MYBPC3: variants seen among roughly 807,000 people sequenced by gnomAD.
MYBPC3 encodes myosin binding protein C3.
Under a neutral mutation model 159.3 loss-of-function variants are expected in MYBPC3, and 108 were observed. That is an observed-to-expected ratio of 0.68 (90% CI 0.58 to 0.80). The LOEUF is 0.80. MYBPC3 is among the 30% of genes least tolerant of loss of function. The pLI, the probability that MYBPC3 is intolerant of heterozygous loss-of-function variation, is 0.00. For missense variants in MYBPC3, 1,631 were observed against 1,762.1 expected (o/e 0.93, Z 1.33); for synonymous variants, 730 against 702.0 (o/e 1.04, Z -0.63).
At chr11:47,334,992 G>A (rs764701132) in intron 27 of MYBPC3, 50 bp downstream of exon 27, 1 of 1,454,226 alleles carries the variant, frequency 6.9e-7, no homozygotes, top group African/African-American at 1.4e-5. Flanking sequence ...GGACACCAAG[G>A]GCCTGGGGTG....
At chr11:47,349,118 C>T (rs1003637231) in intron 5 of MYBPC3, among the ~76,000 whole-genome samples, 2 of 151,466 alleles carry the variant, frequency 1.3e-5, no homozygotes, top group African/African-American at 2.4e-5. Context: ...ACATGTTGGC[C>T]TCTCTTGCTA....
At position 47,331,588 on chromosome 11, in the gene MYBPC3, C is replaced by G. The variant is rs891329601; in HGVS notation, c.*155G>C. 1.4e-5 allele frequency: 7 copies of G among 486,530 alleles called. No homozygotes were observed. Among genetic ancestry groups the G allele is most frequent in the South Asian group, 1.1e-4 (4 of 35,530 alleles). 30.1% of individuals were successfully genotyped at this position (486,530 alleles called of 1,614,324 possible). Reference sequence around the variant, plus strand: ...TGTGCAACACCCACTCAGGACTGCCCGACAACTGCCCTGCTGATCCCCCAT... The same window carrying G: ...TGTGCAACACCCACTCAGGACTGCCGGACAACTGCCCTGCTGATCCCCCAT... On this transcript the variant is annotated 3_prime_UTR_variant, in exon 35 of 35. Coordinates refer to ENST00000545968, the MANE Select transcript of MYBPC3 (RefSeq NM_000256.3).
At chr11:47,347,965 C>G in intron 6 of MYBPC3, 60 bp from the exon 7 acceptor site, 6 of 1,495,610 alleles carry the variant, frequency 4.0e-6, no homozygotes, top group Non-Finnish European at 5.5e-6. Flanking sequence ...TTTGAGAAGC[C>G]CTGCCCTGGG....
Position 47,333,989 on chromosome 11 carries a change from G to C in MYBPC3, c.2927C>G (p.Pro976Arg), listed in dbSNP as rs954096716. 12 of 1,582,782 alleles carry C rather than the reference G, an allele frequency of 7.6e-6. No homozygotes were observed. Among genetic ancestry groups the C allele is most frequent in the Non-Finnish European group, 1.0e-5 (12 of 1,164,864 alleles). ...EILQRPRLQL[P>R]RHLRQTIQKK... is the part of the protein sequence containing the mutation. ...CTGAATGGTCTGGCGCAGGTGCCTG[G>C]GCAGCTGAAGCCGTGGCCGTTCTGT... The change falls in exon 28 of 35, where the codon CCC becomes CGC. Residue 976 changes from proline to arginine, a missense_variant. Physicochemically the swap from Pro to Arg is moderately radical, Grantham distance 103 (BLOSUM62 -2). Transcript: ENST00000545968.
rs1465412065 is a variant in MYBPC3, at chr11:47,346,622, C to T, written c.926+5G>A. ...TGAGGGTGCTGTGCTATGTTGGGCA[C>T]TCACCTCGGGGTCCGGAAACTGCTG... On this transcript the variant is annotated splice_donor_5th_base_variant and intron_variant, in intron 11 of 34. Transcript: ENST00000545968. This position sits in a 1 kb window ranked among gnomAD's most constrained non-coding sequence, Gnocchi z 5.3. 2.5e-6 allele frequency: 4 copies of T among 1,589,346 alleles called. No individual in the cohort carries two copies. In the African/African-American group the frequency reaches 4.1e-5, roughly 16 times the overall value.
At chr11:47,340,412 C>T (rs904253225) in intron 20 of MYBPC3, among the ~76,000 whole-genome samples, 1 of 152,248 alleles carries the variant, frequency 6.6e-6, no homozygotes, top group Non-Finnish European at 1.5e-5. Flanking sequence ...CGCCTGTAAT[C>T]CCAGCACTTT....
chr11:47,341,117 C>T, intron 19 of MYBPC3, 21 bp downstream of exon 19: 1 of 1,578,184 alleles, frequency 6.3e-7, no homozygotes, highest in South Asian at 1.2e-5. Context: ...CCCGACCCAC[C>T]CTACCCTGGA....
chr11:47,352,495 G>T, intron 1 of MYBPC3, 128 bp downstream of exon 1: 1 of 1,179,102 alleles, frequency 8.5e-7, no homozygotes, highest in Non-Finnish European at 1.2e-6. Flanking sequence ...AGGACTGGCT[G>T]CCCCTGTCCT....
Position 47,341,182 on chromosome 11 carries a change from G to T in MYBPC3, c.1853C>A (p.Pro618His). 1 of 1,593,020 alleles carries T rather than the reference G, an allele frequency of 6.3e-7. No homozygotes were observed. Reference protein sequence around the residue: ...PADEADYSFVPEGFACNLSAK... With the variant: ...PADEADYSFVHEGFACNLSAK... ...TGACAGGTTGCAGGCGAAGCCCTCG[G>T]GCACAAAGCTGTAGTCAGCCTCGTC... Residue 618 changes from proline to histidine, a missense_variant, in exon 19 of 35, where the codon CCC becomes CAC. Coordinates refer to ENST00000545968, the MANE Select transcript of MYBPC3 (RefSeq NM_000256.3).
chr11:47,344,223 G>C (rs1177626746), intron 12 of MYBPC3, among the ~76,000 whole-genome samples: 1 of 152,214 alleles, frequency 6.6e-6, no homozygotes, highest in African/African-American at 2.4e-5. Context: ...AGCTTGTCAG[G>C]AGAACTGGGG....
Position 47,346,327 on chromosome 11 carries a change from TCTC to T in MYBPC3, c.967_969del (p.Glu323del). ...TCAGATGGGGGTGCCTGCCGTAGGA[TCTC>T]CCACACGTCCTCCTCTGCTGGTGCC... On this transcript the variant is annotated inframe_deletion, in exon 12 of 35. Coordinates refer to ENST00000545968, the MANE Select transcript of MYBPC3 (RefSeq NM_000256.3). The surrounding 1 kb of genome is among the most constrained non-coding windows in gnomAD (Gnocchi z 5.3). 1 of 1,610,662 alleles carries T rather than the reference TCTC, an allele frequency of 6.2e-7. No individual in the cohort carries two copies. The highest frequency in any genetic ancestry group is 8.5e-7 in the Non-Finnish European group (1 of 1,178,310).
At chr11:47,350,378 G>A in intron 3 of MYBPC3, 124 bp downstream of exon 3, 1 of 1,463,026 alleles carries the variant, frequency 6.8e-7, no homozygotes, top group Non-Finnish European at 9.1e-7. Context: ...GCCCACCTCG[G>A]CCTCCCAAAG....
At chr11:47,340,106 A>G (rs1040465236) in intron 20 of MYBPC3, among the ~76,000 whole-genome samples, 11 of 148,182 alleles carry the variant, frequency 7.4e-5, no homozygotes, top group Admixed American at 7.3e-4. Flanking sequence ...CCACACACAT[A>G]CACACACACA....
rs1488671331 is a variant in MYBPC3, at chr11:47,332,845, G to A, written c.3459C>T (p.Thr1153=). ...NMVGFSDRAA[T]TKEPVFIPRP... ...TGGGGATAAAGACGGGCTCCTTGGT[G>A]GTGGCCGCTCTGTCACTAAAGCCAA... Residue 1153 remains threonine, a synonymous_variant, in exon 31 of 35, where the codon ACC becomes ACT. Transcript: ENST00000545968. This position sits in a 1 kb window ranked among gnomAD's most constrained non-coding sequence, Gnocchi z 4.2. 1 of 1,607,332 alleles carries A rather than the reference G, an allele frequency of 6.2e-7. No individual in the cohort carries two copies. The highest frequency in any genetic ancestry group is 8.5e-7 in the Non-Finnish European group (1 of 1,177,062).
Position 47,349,858 on chromosome 11 carries a change from C to G in MYBPC3, c.570G>C (p.Lys190Asn). 1 of 1,612,788 alleles carries G rather than the reference C, an allele frequency of 6.2e-7. No individual in the cohort carries two copies. The highest frequency in any genetic ancestry group is 8.5e-7 in the Non-Finnish European group (1 of 1,179,634). The change falls in exon 5 of 35, where the codon AAG (lysine) becomes AAC (asparagine). Residue 190 changes from lysine to asparagine, a missense_variant. Transcript: ENST00000545968. ...GASLLKPPVV[K>N]WFKGKWVDLS... is the part of the protein sequence containing the mutation. ...GGTCCACCCATTTGCCCTTGAACCA[C>G]TTGACCACAGGCGGCTTCAGGAGGC...
Position 47,331,496 on chromosome 11 carries a change from TC to T in MYBPC3, c.*246del. ...GAAAGGCCTGTCCCCAGACATTGTT[TC>T]TTGAGGCCACCCTCCTTTTACCCCA... On this transcript the variant is annotated 3_prime_UTR_variant, in exon 35 of 35. Coordinates refer to ENST00000545968, the MANE Select transcript of MYBPC3 (RefSeq NM_000256.3). 1 of 227,916 alleles carries T rather than the reference TC, an allele frequency of 4.4e-6. No individual in the cohort carries two copies. The highest frequency in any genetic ancestry group is 8.6e-6 in the Non-Finnish European group (1 of 116,782). The allele number at this position is 227,916 out of a possible 1,614,324, so 14.1% of individuals were successfully genotyped here. A position where few individuals can be genotyped will look rare whatever the true frequency, so the allele number is the denominator to read the frequency against.
chr11:47,332,064 C>A lies in MYBPC3; in HGVS notation c.3814+8G>T. ...ATCTCCCAGGCCCTGGCCCCGAGGG[C>A]TCCTCACCTCGCACCTCCAGGCGGC... is the stretch of plus-strand genomic sequence containing the variant. On this transcript the variant is annotated splice_region_variant and intron_variant, in intron 33 of 34. Transcript: ENST00000545968. The surrounding 1 kb of genome is among the most constrained non-coding windows in gnomAD (Gnocchi z 4.2). 1 of 1,606,620 alleles carries A rather than the reference C, an allele frequency of 6.2e-7. No individual in the cohort carries two copies. Among genetic ancestry groups the A allele is most frequent in the South Asian group, 1.1e-5 (1 of 90,716 alleles).
intron 20 of MYBPC3, among the ~76,000 whole-genome samples, chr11:47,340,197 GCA>G (rs1457074375): frequency 6.7e-6 from 1 of 150,080 alleles, no homozygotes; most frequent in African/African-American, 2.5e-5. Flanking sequence ...ACACACACAT[GCA>G]CACAGACACA....
chr11:47,348,530 G>T lies in MYBPC3; in HGVS notation c.666C>A (p.Phe222Leu). The T allele has an allele frequency of 6.2e-7, 1 of 1,612,180 alleles. No homozygotes were observed. Among genetic ancestry groups the T allele is most frequent in the Non-Finnish European group, 8.5e-7 (1 of 1,179,040 alleles). Residue 222 changes from phenylalanine to leucine, a missense_variant, in exon 6 of 35, where the codon TTC (phenylalanine) becomes TTA (leucine). Coordinates refer to ENST00000545968, the MANE Select transcript of MYBPC3 (RefSeq NM_000256.3). ...SYDRASKVYL[F>L]ELHITDAQPA... is the part of the protein sequence containing the mutation. ...GCTGGGCATCGGTGATGTGCAGCTC[G>T]AACAGATAGACCTGTGTGCATGGAG...
Sources: gnomAD v4.1 joint callset for allele counts (sites outside exome capture counted in the v4.1 genomes callset) on GRCh38, gnomAD v4.1.1 for gene constraint, Gnocchi (gnomAD v3.1) non-coding constraint, MANE v1.5 for transcripts, NCBI Gene and HGNC (gene_info 2026-07-23, HGNC 2026-07-21) for gene names.